PABPC4L: variants seen among roughly 807,000 people sequenced by gnomAD.
PABPC4L encodes poly(A) binding protein cytoplasmic 4 like, also known as polyadenylate-binding protein 4-like.
For synonymous variants in PABPC4L, 169 were observed against 164.1 expected (o/e 1.03, Z -0.23); for missense variants, 452 against 451.4 (o/e 1.00, Z -0.01).
the PABPC4L span, among the ~76,000 whole-genome samples, chr4:133,950,480 C>T: frequency 8.6e-4 from 131 of 152,124 alleles, no homozygotes; most frequent in African/African-American, 3.1e-3. Flanking sequence ...CCCTATATAC[C>T]CATAATTCTT....
At position 134,201,216 on chromosome 4, in the gene PABPC4L, A is replaced by T. The variant is rs975990410; in HGVS notation, c.-197T>A. 1 of 1,542,854 alleles carries T rather than the reference A, an allele frequency of 6.5e-7. No homozygotes were observed. Among genetic ancestry groups the T allele is most frequent in the Admixed American group, 2.0e-5 (1 of 50,724 alleles). On this transcript the variant is annotated 5_prime_UTR_variant, in exon 2 of 2. It adds an upstream start codon to the 5' untranslated region. Coordinates refer to ENST00000421491, the MANE Select transcript of PABPC4L (RefSeq NM_001114734.2). ...CATCCAAAAGTCCCCACAGCCACCA[A>T]TCTGGCCCTCCTAGGACGCGGCAAC...
the PABPC4L span, among the ~76,000 whole-genome samples, chr4:134,149,269 T>G: frequency 1.1e-4 from 16 of 152,160 alleles, no homozygotes. Flanking sequence ...CAAAGAAGAC[T>G]TTTTAATTCA....
chr4:134,139,334 T>G, the PABPC4L span, among the ~76,000 whole-genome samples: 3 of 151,924 alleles, frequency 2.0e-5, no homozygotes, highest in Admixed American at 6.6e-5. Flanking sequence ...ATGTACTGAT[T>G]CGTGACATGA....
At chr4:134,034,312 T>C in the PABPC4L span, among the ~76,000 whole-genome samples, 1 of 151,890 alleles carries the variant, frequency 6.6e-6, no homozygotes, top group Non-Finnish European at 1.5e-5. Context: ...TGACAATGCA[T>C]CTAGTCACCC....
chr4:134,091,665 T>C, the PABPC4L span, among the ~76,000 whole-genome samples: 4 of 151,904 alleles, frequency 2.6e-5, no homozygotes, highest in East Asian at 7.8e-4. Context: ...TATATAAATA[T>C]AGATAAATAC....
At chr4:134,089,172 A>G in the PABPC4L span, among the ~76,000 whole-genome samples, 1 of 152,142 alleles carries the variant, frequency 6.6e-6, no homozygotes, top group Non-Finnish European at 1.5e-5. Context: ...TCACTAAGCA[A>G]TTTTTGTAAA....
At chr4:134,081,552 T>C in the PABPC4L span, among the ~76,000 whole-genome samples, 6 of 152,196 alleles carry the variant, frequency 3.9e-5, no homozygotes, top group Admixed American at 3.9e-4. Flanking sequence ...CTGAGGCCTT[T>C]TTTGGCAGCA....
At chr4:134,006,951 T>C in the PABPC4L span, among the ~76,000 whole-genome samples, 1 of 151,900 alleles carries the variant, frequency 6.6e-6, no homozygotes, top group African/African-American at 2.4e-5. Flanking sequence ...GTCAAGTTTA[T>C]GATATGTAAT....
the PABPC4L span, among the ~76,000 whole-genome samples, chr4:134,017,414 C>T: frequency 2.0e-5 from 3 of 152,080 alleles, no homozygotes; most frequent in African/African-American, 7.2e-5. Context: ...CTTGTCATCC[C>T]TACTTCTTCT....
chr4:134,078,551 T>C, the PABPC4L span, among the ~76,000 whole-genome samples: 1 of 152,112 alleles, frequency 6.6e-6, no homozygotes, highest in African/African-American at 2.4e-5. Flanking sequence ...TGGAATTATG[T>C]ATAGTTGTTA....
the PABPC4L span, among the ~76,000 whole-genome samples, chr4:134,162,241 C>T: frequency 0.022 from 3,416 of 152,038 alleles, 128 homozygotes; most frequent in African/African-American, 0.078. Context: ...CTAGCAATAA[C>T]AACATTGAAG....
At chr4:134,077,860 A>G in the PABPC4L span, among the ~76,000 whole-genome samples, 1 of 152,146 alleles carries the variant, frequency 6.6e-6, no homozygotes, top group Non-Finnish European at 1.5e-5. Context: ...ATGGAATCTG[A>G]TCATGCTTCG....
At chr4:134,088,636 T>C in the PABPC4L span, among the ~76,000 whole-genome samples, 8 of 152,060 alleles carry the variant, frequency 5.3e-5, no homozygotes, top group Admixed American at 5.2e-4. Context: ...GGGTTTGTTT[T>C]CTGCTCTTCC....
the PABPC4L span, among the ~76,000 whole-genome samples, chr4:134,182,711 C>A: frequency 2.0e-5 from 3 of 151,918 alleles, no homozygotes; most frequent in African/African-American, 7.3e-5. Flanking sequence ...ACTAATCCAA[C>A]AGAGGTCTAA....
At chr4:133,970,602 AG>A in the PABPC4L span, among the ~76,000 whole-genome samples, 11 of 152,136 alleles carry the variant, frequency 7.2e-5, no homozygotes, top group African/African-American at 2.7e-4. Context: ...GTTCTCTTTC[AG>A]TTGAACCAGT....
chr4:134,156,588 T>G, the PABPC4L span, among the ~76,000 whole-genome samples: 1 of 151,916 alleles, frequency 6.6e-6, no homozygotes, highest in Admixed American at 6.6e-5. Flanking sequence ...TGAAACATAC[T>G]GTAAATTACT....
At chr4:134,100,170 T>C in the PABPC4L span, among the ~76,000 whole-genome samples, 2 of 151,662 alleles carry the variant, frequency 1.3e-5, no homozygotes, top group Non-Finnish European at 1.5e-5. Flanking sequence ...TTTAATAATG[T>C]GGCTTGAACT....
At chr4:134,134,349 ATC>A in the PABPC4L span, among the ~76,000 whole-genome samples, 1 of 152,016 alleles carries the variant, frequency 6.6e-6, no homozygotes, top group Non-Finnish European at 1.5e-5. Flanking sequence ...GCATATATTT[ATC>A]TGTTATGTAA....
the PABPC4L span, among the ~76,000 whole-genome samples, chr4:134,062,154 A>G: frequency 1.3e-5 from 2 of 151,896 alleles, no homozygotes; most frequent in Non-Finnish European, 2.9e-5. Flanking sequence ...TTTTAAGCCT[A>G]CCCAGCACTA....
Sources: gnomAD v4.1 joint callset for allele counts (sites outside exome capture counted in the v4.1 genomes callset) on GRCh38, gnomAD v4.1.1 for gene constraint, MANE v1.5 for transcripts, NCBI Gene and HGNC (gene_info 2026-07-23, HGNC 2026-07-21) for gene names.